CCDC181: variants seen among roughly 807,000 people sequenced by gnomAD.
The protein encoded by CCDC181 is coiled-coil domain-containing protein 181.
In CCDC181, 35 loss-of-function variants were observed where a neutral mutation model predicts 58.7. The ratio of observed to expected loss-of-function variants is 0.60; its 90% confidence interval spans 0.46 to 0.79. The LOEUF (loss-of-function observed/expected upper bound fraction) is 0.79. Among genes scored for constraint, CCDC181 ranks in the 30% least tolerant of loss-of-function variants. The pLI is 0.00. For synonymous variants in CCDC181, 183 were observed against 197.5 expected, an observed-to-expected ratio of 0.93 and a Z score of 0.62; for missense variants, 517 against 583.9, an observed-to-expected ratio of 0.89 and a Z score of 1.18.
rs750695535 is a variant in CCDC181, at chr1:169,395,149, T to C, written c.1428A>G (p.Arg476=). The change falls in exon 6 of 6, where the codon AGA becomes AGG. Residue 476 remains arginine, a synonymous_variant. Coordinates refer to ENST00000367806, the MANE Select transcript of CCDC181 (RefSeq NM_001300969.2). ...KMAEQQAVRE[R]TRQLRLEAKR... Reference sequence around the variant, plus strand: ...TAGCTTCTAGTCGGAGCTGTCTAGTTCTCTCTCTGACAGCTTGTTGCTCTG... The same window carrying C: ...TAGCTTCTAGTCGGAGCTGTCTAGTCCTCTCTCTGACAGCTTGTTGCTCTG... 1.9e-6 allele frequency: 3 copies of C among 1,613,634 alleles called. No individual in the cohort carries two copies. The South Asian group carries it at 3.3e-5, about 18-fold the overall frequency.
chr1:169,435,347 G>T (rs1452514617), intron 2 of CCDC181, among the ~76,000 whole-genome samples: 1 of 152,082 alleles, frequency 6.6e-6, no homozygotes, highest in East Asian at 1.9e-4. Context: ...GAGGAAATGG[G>T]TGTGTGACCA....
At chr1:169,436,387 G>T (rs1173618495) in intron 2 of CCDC181, among the ~76,000 whole-genome samples, 4 of 152,134 alleles carry the variant, frequency 2.6e-5, no homozygotes, top group African/African-American at 9.7e-5. Flanking sequence ...GTGAGGAATA[G>T]ATTTCATCTT....
At chr1:169,454,113 A>G (rs896583711) in intron 2 of CCDC181, among the ~76,000 whole-genome samples, 4 of 152,084 alleles carry the variant, frequency 2.6e-5, no homozygotes, top group Non-Finnish European at 4.4e-5. Context: ...ATTATAAAAC[A>G]AGGCTATTTT....
At chr1:169,433,894 A>C (rs1656985095) in intron 2 of CCDC181, among the ~76,000 whole-genome samples, 1 of 152,124 alleles carries the variant, frequency 6.6e-6, no homozygotes, top group South Asian at 2.1e-4. Flanking sequence ...CAGCAAAAGC[A>C]CATGCAAAAG....
chr1:169,413,038 C>CT lies in CCDC181; in HGVS notation c.1215+5974dup, dbSNP rs575273049. On this transcript the variant is annotated intron_variant, in intron 4 of 5. Coordinates refer to ENST00000367806, the MANE Select transcript of CCDC181 (RefSeq NM_001300969.2). ...CATTGACAAATGGGATCTAATTAAACTAAAGAGCTTCTGCACAGCAAAAGA... is the reference window on the plus strand; with the variant it reads ...CATTGACAAATGGGATCTAATTAAACTTAAAGAGCTTCTGCACAGCAAAAGA... Among the ~76,000 whole-genome samples the CT allele has an allele frequency of 2.9e-4, 44 of 152,302 alleles. No individual in the cohort carries two copies. The East Asian group carries it at 7.3e-3, about 25-fold the overall frequency.
chr1:169,452,350 C>T (rs1413649510), intron 2 of CCDC181, among the ~76,000 whole-genome samples: 1 of 152,114 alleles, frequency 6.6e-6, no homozygotes, highest in Non-Finnish European at 1.5e-5. Context: ...TTAGGAATCA[C>T]TGTTTTGACA....
intron 2 of CCDC181, chr1:169,454,590 G>A (rs1657635301): frequency 6.6e-6 from 1 of 152,012 alleles, no homozygotes; most frequent in Non-Finnish European, 1.5e-5. Flanking sequence ...TCTGGGCAGG[G>A]AAAGCAGGAG....
intron 2 of CCDC181, chr1:169,443,291 G>C (rs184474044): frequency 6.6e-6 from 1 of 152,132 alleles, no homozygotes; most frequent in East Asian, 1.9e-4. Flanking sequence ...CTTATTTCAT[G>C]TGTTCAGCAC....
chr1:169,426,730 T>C (rs1213322353), intron 1 of CCDC181, among the ~76,000 whole-genome samples: 2 of 152,204 alleles, frequency 1.3e-5, no homozygotes, highest in African/African-American at 4.8e-5. Context: ...ATAAAGTAAG[T>C]ACTTAAGCAA....
intron 4 of CCDC181, among the ~76,000 whole-genome samples, chr1:169,407,022 G>C (rs1027563028): frequency 4.9e-5 from 7 of 143,668 alleles, no homozygotes; most frequent in African/African-American, 1.8e-4. Context: ...CGTAAAATTG[G>C]ATTTCCAGAA....
At chr1:169,395,607 C>A (rs1654976361) in intron 5 of CCDC181, among the ~76,000 whole-genome samples, 1 of 152,162 alleles carries the variant, frequency 6.6e-6, no homozygotes, top group Non-Finnish European at 1.5e-5. Flanking sequence ...AGAATACTAT[C>A]ATGCAGAAAT....
At chr1:169,404,705 T>G (rs1479451371) in intron 4 of CCDC181, among the ~76,000 whole-genome samples, 1 of 152,210 alleles carries the variant, frequency 6.6e-6, no homozygotes, top group Non-Finnish European at 1.5e-5. Flanking sequence ...GCCAATATCA[T>G]AGTGAATGGG....
intron 5 of CCDC181, 49 bp downstream of exon 5, chr1:169,397,171 GATGATATAACTTTTAAA>G (rs1655091498): frequency 7.4e-7 from 1 of 1,353,626 alleles, no homozygotes; most frequent in Admixed American, 2.7e-5. Flanking sequence ...AATCTTAATT[GATGATATAACTTTTAAA>G]ATGAACATGA....
intron 2 of CCDC181, among the ~76,000 whole-genome samples, chr1:169,434,349 C>A (rs868801300): frequency 6.6e-5 from 10 of 151,936 alleles, no homozygotes; most frequent in Non-Finnish European, 1.3e-4. Context: ...TAAAATGGTA[C>A]AACTGCTATG....
intron 4 of CCDC181, among the ~76,000 whole-genome samples, chr1:169,416,954 T>C (rs1389366915): frequency 6.6e-6 from 1 of 152,106 alleles, no homozygotes; most frequent in Non-Finnish European, 1.5e-5. Context: ...ATATACCACT[T>C]AGATAATAAA....
intron 2 of CCDC181, among the ~76,000 whole-genome samples, chr1:169,458,357 C>T (rs1657739497): frequency 6.6e-6 from 1 of 151,906 alleles, no homozygotes; most frequent in African/African-American, 2.4e-5. Flanking sequence ...ATTTACATTC[C>T]CACCAGCAAT....
At chr1:169,451,350 T>C (rs989389204) in intron 2 of CCDC181, 10 of 152,144 alleles carry the variant, frequency 6.6e-5, no homozygotes, top group African/African-American at 1.9e-4. Flanking sequence ...ATAATTAGCA[T>C]AAAATTTGCT....
rs1044488321 is a variant in CCDC181, at chr1:169,434,261, A to G, written c.-23-9311T>C. Among the ~76,000 whole-genome samples, 6 of 151,936 alleles carry G rather than the reference A, an allele frequency of 3.9e-5. No individual in the cohort carries two copies. In the South Asian group the frequency reaches 1.2e-3, roughly 31 times the overall value. On this transcript the variant is annotated intron_variant, in intron 2 of 6. Coordinates refer to the CCDC181 transcript ENST00000545005. ...ACTATGAGATACCACCCTCATTAGG[A>G]AGATTACTATTAAGACAAAATAAAT...
chr1:169,442,448 C>T, intron 2 of CCDC181, among the ~76,000 whole-genome samples: 1 of 151,912 alleles, frequency 6.6e-6, no homozygotes, highest in East Asian at 1.9e-4. Flanking sequence ...CTCTCACAGT[C>T]CTTTGATTTA....
Sources: allele counts gnomAD v4.1 joint callset (sites outside exome capture counted in the v4.1 genomes callset), GRCh38; gene constraint gnomAD v4.1.1; transcripts MANE v1.5; gene names NCBI Gene and HGNC (gene_info 2026-07-23, HGNC 2026-07-21).